SPTLC2: variants seen among roughly 807,000 people sequenced by gnomAD.
SPTLC2 encodes serine palmitoyltransferase long chain base subunit 2.
In SPTLC2, 21 loss-of-function variants were observed where a neutral mutation model predicts 62.0. That is an observed-to-expected ratio of 0.34 (90% CI 0.24 to 0.49). The LOEUF is 0.49. Ranked by LOEUF, SPTLC2 falls within the 20% of genes least tolerant of loss-of-function variation. The probability of loss-of-function intolerance (pLI) is 0.99; values close to 1 mark genes in which losing one functional copy is unlikely to be tolerated. For missense variants in SPTLC2, 511 were observed against 713.0 expected, an observed-to-expected ratio of 0.72 and a Z score of 3.23; for synonymous variants, 261 against 261.8, an observed-to-expected ratio of 1.00 and a Z score of 0.03.
At chr14:77,570,534 G>A in intron 4 of SPTLC2, 26 bp from the exon 5 acceptor site, 1 of 1,599,154 alleles carries the variant, frequency 6.3e-7, no homozygotes, top group Non-Finnish European at 8.5e-7. Flanking sequence ...AATAAAGTCA[G>A]TATCACAAAA....
intron 2 of SPTLC2, among the ~76,000 whole-genome samples, chr14:77,595,649 T>C (rs1202349606): frequency 1.3e-5 from 2 of 152,188 alleles, no homozygotes; most frequent in African/African-American, 4.8e-5. Context: ...ACTGGTTTTG[T>C]CTTCCTAGTA....
At position 77,515,465 on chromosome 14, in the gene SPTLC2, A is replaced by T. The variant is rs2079353793; in HGVS notation, c.1569+2573T>A. On this transcript the variant is annotated intron_variant, in intron 11 of 11. Transcript: ENST00000216484. ...TAAGTCTTCTGTAATTTCTTTCAGCAAAGTTTTATAGTTTTCAATATACAC... is the reference window on the plus strand; with the variant it reads ...TAAGTCTTCTGTAATTTCTTTCAGCTAAGTTTTATAGTTTTCAATATACAC... 1.3e-5 allele frequency among the ~76,000 whole-genome samples: 2 copies of T among 151,940 alleles called. 1 individual carries two copies. Among genetic ancestry groups the T allele is most frequent in the South Asian group, 4.1e-4 (2 of 4,822 alleles).
chr14:77,555,597 C>T (rs1779542078), intron 7 of SPTLC2, 78 bp from the exon 8 acceptor site: 5 of 1,373,224 alleles, frequency 3.6e-6, no homozygotes, highest in South Asian at 1.2e-5. Context: ...TTTGGCACTT[C>T]ATTATTATTG....
At chr14:77,526,054 A>G (rs996128441) in intron 9 of SPTLC2, among the ~76,000 whole-genome samples, 2 of 152,372 alleles carry the variant, frequency 1.3e-5, no homozygotes, top group South Asian at 2.1e-4. Context: ...TTCAAAGAGA[A>G]TAACAGGAAA....
chr14:77,555,411 T>G lies in SPTLC2; in HGVS notation c.1065A>C (p.Thr355=). The G allele has an allele frequency of 6.2e-7, 1 of 1,614,194 alleles. No homozygotes were observed. The change falls in exon 8 of 12, where the codon ACA becomes ACC. Residue 355 remains threonine (T), a synonymous_variant. Coordinates refer to ENST00000216484, the MANE Select transcript of SPTLC2 (RefSeq NM_004863.4). ...CAAAGTACTCCACCACACCCCGGCC[T>G]GTGGGGCCCAGGGCGCCAATGCTGT... is the stretch of plus-strand genomic sequence containing the variant. ...EAHSIGALGP[T]GRGVVEYFGL... is the part of the protein sequence containing the mutation.
intron 9 of SPTLC2, among the ~76,000 whole-genome samples, chr14:77,526,073 A>C (rs2079407787): frequency 6.6e-6 from 1 of 150,982 alleles, no homozygotes; most frequent in South Asian, 2.1e-4. Flanking sequence ...AAATAAAAGC[A>C]GTAAAATAAA....
Position 77,606,827 on chromosome 14 carries a change from A to T in SPTLC2, c.133-9447T>A, listed in dbSNP as rs146569296. Among the ~76,000 whole-genome samples, 200 of 152,212 alleles carry T rather than the reference A, an allele frequency of 1.3e-3. 2 individuals are homozygous for T. Among genetic ancestry groups the T allele is most frequent in the African/African-American group, 4.5e-3 (188 of 41,536 alleles). On this transcript the variant is annotated intron_variant, in intron 1 of 11. Transcript: ENST00000216484. ...CATAGTGAAACCCTATCTCTACACA[A>T]CATTTTCAAAAGTTAGCCGGATGTG...
At position 77,594,521 on chromosome 14, in the gene SPTLC2, G is replaced by A. The variant is rs182904657; in HGVS notation, c.327+2665C>T. Among the ~76,000 whole-genome samples, 137 of 152,328 alleles carry A rather than the reference G, an allele frequency of 9.0e-4. 1 individual carries two copies. The highest frequency in any genetic ancestry group is 3.2e-3 in the African/African-American group (133 of 41,586). ...CACTCCTATAATCCCAACACTTTGG[G>A]AGGCCAAGGCAGGAGGATCGCTTGA... On this transcript the variant is annotated intron_variant, in intron 2 of 11. Transcript: ENST00000216484.
At position 77,521,395 on chromosome 14, in the gene SPTLC2, T is replaced by A. The variant is rs773378852; in HGVS notation, c.1439+51A>T. The A allele has an allele frequency of 5.6e-6, 9 of 1,612,820 alleles. No homozygotes were observed. In the African/African-American group the frequency reaches 9.3e-5, roughly 17 times the overall value. On this transcript the variant is annotated intron_variant, in intron 10 of 11. Coordinates refer to ENST00000216484, the MANE Select transcript of SPTLC2 (RefSeq NM_004863.4). ...AAAATACATAAGCCCTGGTCTCACA[T>A]CACAGATAAGGATAAGGACAGACTG...
At chr14:77,589,935 G>A (rs2140050214) in intron 2 of SPTLC2, among the ~76,000 whole-genome samples, 1 of 150,538 alleles carries the variant, frequency 6.6e-6, no homozygotes. Context: ...CTGAGATCAT[G>A]CGATTGCACT....
intron 4 of SPTLC2, among the ~76,000 whole-genome samples, chr14:77,574,091 A>G (rs61990793): frequency 0.35 from 52,695 of 152,088 alleles, 9,764 homozygotes; most frequent in Non-Finnish European, 0.42. Context: ...CCCCAAACTT[A>G]TAACCCACAG....
chr14:77,612,908 A>C (rs1412980791), intron 1 of SPTLC2, among the ~76,000 whole-genome samples: 1 of 152,186 alleles, frequency 6.6e-6, no homozygotes, highest in Non-Finnish European at 1.5e-5. Context: ...CAAAGGGAAA[A>C]AAGTTAGGGT....
intron 6 of SPTLC2, among the ~76,000 whole-genome samples, chr14:77,560,650 C>T (rs1234950695): frequency 6.7e-6 from 1 of 149,100 alleles, no homozygotes; most frequent in Non-Finnish European, 1.5e-5. Context: ...TATATATGTA[C>T]ATATACACCA....
chr14:77,595,828 CTAA>C (rs557728113), intron 2 of SPTLC2, among the ~76,000 whole-genome samples: 50 of 152,284 alleles, frequency 3.3e-4, no homozygotes, highest in Admixed American at 1.2e-3. Context: ...CAAAAAAACT[CTAA>C]TGTCTTAAGT....
At position 77,508,451 on chromosome 14, in the gene SPTLC2, C is replaced by T. The variant is rs894232254; in HGVS notation, c.*3833G>A. On this transcript the variant is annotated 3_prime_UTR_variant, in exon 12 of 12. Transcript: ENST00000216484. ...ATCCTTGCAAAACAACAGTTACTCA[C>T]ATTCTTTCTTCACGGCCTACGGCAT... The T allele has an allele frequency of 2.6e-5, 4 of 152,254 alleles. No individual in the cohort carries two copies. The highest frequency in any genetic ancestry group is 4.4e-5 in the Non-Finnish European group (3 of 68,054). The allele number at this position is 152,254 out of a possible 1,614,324, so 9.4% of individuals were successfully genotyped here.
chr14:77,543,662 A>G (rs1431924117), intron 9 of SPTLC2, among the ~76,000 whole-genome samples: 1 of 152,246 alleles, frequency 6.6e-6, no homozygotes, highest in Non-Finnish European at 1.5e-5. Context: ...AAAGTAAAAC[A>G]AAAATAATTA....
intron 6 of SPTLC2, among the ~76,000 whole-genome samples, chr14:77,559,220 G>A (rs979669697): frequency 6.6e-6 from 1 of 152,146 alleles, no homozygotes; most frequent in African/African-American, 2.4e-5. Flanking sequence ...CTACTTGGGA[G>A]GCTGAGACAT....
intron 2 of SPTLC2, among the ~76,000 whole-genome samples, chr14:77,588,521 T>C (rs1442677393): frequency 7.7e-6 from 1 of 130,270 alleles, no homozygotes; most frequent in Non-Finnish European, 1.7e-5. Context: ...CGAAACCCTG[T>C]CTCTACAAAA....
At position 77,507,058 on chromosome 14, in the gene SPTLC2, G is replaced by A. The variant is rs2079309334; in HGVS notation, c.*5226C>T. On this transcript the variant is annotated 3_prime_UTR_variant, in exon 12 of 12. Transcript: ENST00000216484. Reference sequence around the variant, plus strand: ...CTCCACCAAGCCACTCCCAAGGGTGGACTGTGAATGTGACACTTCCAGACT... The same window carrying A: ...CTCCACCAAGCCACTCCCAAGGGTGAACTGTGAATGTGACACTTCCAGACT... 6.6e-6 allele frequency: 1 copy of A among 152,150 alleles called. No individual in the cohort carries two copies. 9.4% of individuals were successfully genotyped at this position (152,150 alleles called of 1,614,324 possible).
Sources: gnomAD v4.1 joint callset for allele counts (sites outside exome capture counted in the v4.1 genomes callset) on GRCh38, gnomAD v4.1.1 for gene constraint, MANE v1.5 for transcripts, NCBI Gene and HGNC (gene_info 2026-07-23, HGNC 2026-07-21) for gene names.